The following ANKRD30A variants were observed in gnomAD, a reference collection of about 807,000 sequenced individuals.
The protein encoded by ANKRD30A is ankyrin repeat domain-containing protein 30A.
In ANKRD30A, 170 loss-of-function variants were observed where a neutral mutation model predicts 166.3. The observed-to-expected ratio is 1.02, with a 90% confidence interval of 0.90 to 1.16. ANKRD30A has a LOEUF of 1.16. Ranked by LOEUF, ANKRD30A falls within the 50% of genes most tolerant of loss-of-function variation. ANKRD30A has a pLI of 0.00. For synonymous variants in ANKRD30A, 564 were observed against 508.9 expected (o/e 1.11, Z -1.46); for missense variants, 1,630 against 1,518.0 (o/e 1.07, Z -1.23).
Position 37,149,697 on chromosome 10 carries a change from T to C in ANKRD30A, c.1572+18T>C. The C allele has an allele frequency of 6.2e-7, 1 of 1,612,446 alleles. No homozygotes were observed. The highest frequency in any genetic ancestry group is 2.2e-5 in the East Asian group (1 of 44,758). ...CCTTCAAGGTATTTAGTTTTATTAT[T>C]TCATTTTGAATGACTTATTAATTAT... On this transcript the variant is annotated intron_variant, in intron 10 of 35. Coordinates refer to ENST00000361713, the MANE Select transcript of ANKRD30A (RefSeq NM_052997.3).
the ANKRD30A span, among the ~76,000 whole-genome samples, chr10:37,258,984 A>AAAAAAG: frequency 6.6e-6 from 1 of 151,092 alleles, no homozygotes; most frequent in Non-Finnish European, 1.5e-5. Flanking sequence ...AAAAAAAAAA[A>AAAAAAG]ACAAGCTTCT....
chr10:37,211,607 T>A (rs1157494308), intron 31 of ANKRD30A, among the ~76,000 whole-genome samples: 23 of 144,930 alleles, frequency 1.6e-4, no homozygotes, highest in East Asian at 6.1e-4. Context: ...TGTGCATGTG[T>A]CTTTATAGCA....
At chr10:37,257,304 G>T in the ANKRD30A span, among the ~76,000 whole-genome samples, 1 of 149,250 alleles carries the variant, frequency 6.7e-6, no homozygotes. Flanking sequence ...TATTGGTCTA[G>T]CTAGTGGTCC....
intron 30 of ANKRD30A, 101 bp from the exon 31 acceptor site, chr10:37,201,134 T>C: frequency 1.1e-6 from 1 of 951,056 alleles, no homozygotes; most frequent in Non-Finnish European, 1.5e-6. Flanking sequence ...GCTTGCAAAA[T>C]AGGACTTTTT....
chr10:37,235,163 C>G (rs928305424), downstream of ANKRD30A, among the ~76,000 whole-genome samples: 2 of 152,130 alleles, frequency 1.3e-5, no homozygotes, highest in South Asian at 2.1e-4. Flanking sequence ...TCTACTTAGC[C>G]AAATGCAAAT....
Position 37,163,000 on chromosome 10 carries a change from G to C in ANKRD30A, c.2002+152G>C, listed in dbSNP as rs528116460. The C allele has an allele frequency of 1.5e-4, 164 of 1,065,604 alleles. 2 individuals are homozygous for C. In the African/African-American group the frequency reaches 2.4e-3, roughly 16 times the overall value. 66.0% of individuals were successfully genotyped at this position (1,065,604 alleles called of 1,614,324 possible). ...ACTGGTATTGATGTTTGAAAAGCTGGTATTACAAGCACAGTAATTTTCAAT... is the reference window on the plus strand; with the variant it reads ...ACTGGTATTGATGTTTGAAAAGCTGCTATTACAAGCACAGTAATTTTCAAT... On this transcript the variant is annotated intron_variant, in intron 17 of 35. Coordinates refer to ENST00000361713, the MANE Select transcript of ANKRD30A (RefSeq NM_052997.3).
At chr10:37,165,942 G>T (rs1050582384) in intron 18 of ANKRD30A, among the ~76,000 whole-genome samples, 4 of 152,038 alleles carry the variant, frequency 2.6e-5, no homozygotes, top group African/African-American at 7.3e-5. Flanking sequence ...TATTTTATTA[G>T]ACAAAAAGAC....
the ANKRD30A span, among the ~76,000 whole-genome samples, chr10:37,248,686 G>A: frequency 6.6e-6 from 1 of 151,558 alleles, no homozygotes; most frequent in Non-Finnish European, 1.5e-5. Flanking sequence ...GGAACTCAGG[G>A]ATCACGAGTC....
At chr10:37,146,950 A>G (rs1011284469) in intron 8 of ANKRD30A, among the ~76,000 whole-genome samples, 3 of 152,184 alleles carry the variant, frequency 2.0e-5, no homozygotes, top group African/African-American at 2.4e-5. Flanking sequence ...GTCTATTTAT[A>G]TAACTACCTC....
chr10:37,166,334 C>T (rs567140557), intron 18 of ANKRD30A, among the ~76,000 whole-genome samples: 65 of 152,256 alleles, frequency 4.3e-4, no homozygotes, highest in Middle Eastern at 3.4e-3. Context: ...GAAATATGCA[C>T]GAGTGAATTT....
At chr10:37,195,751 G>A (rs1024916311) in intron 27 of ANKRD30A, among the ~76,000 whole-genome samples, 19 of 152,178 alleles carry the variant, frequency 1.2e-4, no homozygotes, top group Non-Finnish European at 2.5e-4. Flanking sequence ...AAAATTAGCC[G>A]GACGTGGTGG....
intron 15 of ANKRD30A, 52 bp downstream of exon 15, chr10:37,158,638 T>A: frequency 6.3e-7 from 1 of 1,596,586 alleles, no homozygotes; most frequent in Non-Finnish European, 8.5e-7. Flanking sequence ...TTAAAATATT[T>A]GAAATGCTGT....
At position 37,162,616 on chromosome 10, in the gene ANKRD30A, T is replaced by G. The variant is rs765533667; in HGVS notation, c.1901-33T>G. On this transcript the variant is annotated intron_variant, in intron 15 of 35. Transcript: ENST00000361713. Reference sequence around the variant, plus strand: ...TTGTGGTTGGCTTGTCATATTTACATATGATTGATGATAAATCTCTTTTGC... The same window carrying G: ...TTGTGGTTGGCTTGTCATATTTACAGATGATTGATGATAAATCTCTTTTGC... 2.5e-6 allele frequency: 4 copies of G among 1,611,484 alleles called. No homozygotes were observed. In the Admixed American group the frequency reaches 5.0e-5, roughly 20 times the overall value.
the ANKRD30A span, among the ~76,000 whole-genome samples, chr10:37,245,391 A>C: frequency 3.3e-5 from 5 of 152,146 alleles, no homozygotes; most frequent in African/African-American, 1.2e-4. Context: ...AAATAGTAAC[A>C]GTCTTCTTTG....
At chr10:37,265,271 G>A in the ANKRD30A span, among the ~76,000 whole-genome samples, 3 of 152,178 alleles carry the variant, frequency 2.0e-5, no homozygotes, top group Non-Finnish European at 4.4e-5. Context: ...AGTTTGGATA[G>A]AAAGGAGCTT....
chr10:37,210,536 C>T (rs1369364248), intron 31 of ANKRD30A, among the ~76,000 whole-genome samples: 5 of 152,084 alleles, frequency 3.3e-5, no homozygotes, highest in East Asian at 1.9e-4. Context: ...CTTGAGGAAT[C>T]GCCACACTCT....
intron 15 of ANKRD30A, among the ~76,000 whole-genome samples, chr10:37,160,709 T>C (rs1352769962): frequency 2.0e-5 from 3 of 152,034 alleles, no homozygotes; most frequent in Non-Finnish European, 2.9e-5. Context: ...CTGTGCTCTC[T>C]TTTTCCCTAG....
chr10:37,229,984 A>C (rs529780932), intron 34 of ANKRD30A, among the ~76,000 whole-genome samples: 1 of 152,070 alleles, frequency 6.6e-6, no homozygotes, highest in Admixed American at 6.6e-5. Flanking sequence ...TTAAATGTAC[A>C]ATTAAATTGT....
intron 29 of ANKRD30A, among the ~76,000 whole-genome samples, chr10:37,198,831 T>G (rs1324760860): frequency 3.3e-5 from 5 of 152,110 alleles, no homozygotes; most frequent in African/African-American, 9.6e-5. Flanking sequence ...TAAGTTTTAG[T>G]TGTGCATGTT....
Sources: gnomAD v4.1 joint callset for allele counts (sites outside exome capture counted in the v4.1 genomes callset) on GRCh38, gnomAD v4.1.1 for gene constraint, MANE v1.5 for transcripts, NCBI Gene and HGNC (gene_info 2026-07-23, HGNC 2026-07-21) for gene names.